Variants in SYK observed in about 807,000 individuals in gnomAD.
The protein encoded by SYK is tyrosine-protein kinase SYK.
A neutral mutation model predicts 77.8 loss-of-function variants in SYK; 16 were observed. That is an observed-to-expected ratio of 0.21 (90% CI 0.14 to 0.31). SYK has a LOEUF of 0.31. SYK is among the 10% of genes least tolerant of loss of function. The pLI, the probability that SYK is intolerant of heterozygous loss-of-function variation, is 1.00. For missense variants in SYK, 529 were observed against 814.4 expected, an observed-to-expected ratio of 0.65 and a Z score of 4.26; for synonymous variants, 312 against 308.7, an observed-to-expected ratio of 1.01 and a Z score of -0.11.
intron 7 of SYK, among the ~76,000 whole-genome samples, chr9:90,871,985 A>G (rs1191904993): frequency 6.6e-6 from 1 of 152,208 alleles, no homozygotes; most frequent in African/African-American, 2.4e-5. Context: ...GGTGAACAAC[A>G]CACTGCTAGT....
chr9:90,862,409 G>A, intron 4 of SYK, 65 bp downstream of exon 4: 1 of 1,551,808 alleles, frequency 6.4e-7, no homozygotes, highest in South Asian at 1.2e-5. Flanking sequence ...CTTGTCCCAT[G>A]GACTCTTAGA....
chr9:90,849,337 C>A (rs1163728897), intron 3 of SYK, among the ~76,000 whole-genome samples: 1 of 152,204 alleles, frequency 6.6e-6, no homozygotes, highest in Non-Finnish European at 1.5e-5. Context: ...TCCACCCCAC[C>A]CACCGTGCTT....
intron 3 of SYK, among the ~76,000 whole-genome samples, chr9:90,846,920 G>T (rs1379602538): frequency 6.6e-6 from 1 of 152,230 alleles, no homozygotes; most frequent in Non-Finnish European, 1.5e-5. Context: ...ATGGGACCAT[G>T]CACATAGCAT....
chr9:90,802,902 T>C (rs943971961), intron 1 of SYK, among the ~76,000 whole-genome samples: 3 of 150,248 alleles, frequency 2.0e-5, no homozygotes, highest in Non-Finnish European at 4.4e-5. Flanking sequence ...CCCTAAGAGT[T>C]CCTGGAAGAA....
At chr9:90,872,076 A>G (rs1156417669) in intron 7 of SYK, among the ~76,000 whole-genome samples, 1 of 152,196 alleles carries the variant, frequency 6.6e-6, no homozygotes, top group Non-Finnish European at 1.5e-5. Context: ...CTGACACCCT[A>G]GTATCCCTTT....
intron 1 of SYK, among the ~76,000 whole-genome samples, chr9:90,831,730 C>A (rs1192517593): frequency 6.6e-6 from 1 of 152,212 alleles, no homozygotes; most frequent in Non-Finnish European, 1.5e-5. Flanking sequence ...TTAAGTCACC[C>A]AACACATACG....
At chr9:90,855,516 G>A (rs1241565266) in intron 3 of SYK, among the ~76,000 whole-genome samples, 1 of 152,156 alleles carries the variant, frequency 6.6e-6, no homozygotes, top group African/African-American at 2.4e-5. Flanking sequence ...TAGAAAGCCA[G>A]AATCACTGTA....
At chr9:90,843,011 G>A (rs1254100125) in intron 1 of SYK, among the ~76,000 whole-genome samples, 2 of 152,158 alleles carry the variant, frequency 1.3e-5, no homozygotes, top group African/African-American at 2.4e-5. Flanking sequence ...CTTCTGAAAT[G>A]TATTTATTTA....
At position 90,895,668 on chromosome 9, in the gene SYK, AATTG is replaced by A. The variant is rs1354773466; in HGVS notation, c.*73_*76del. ...AATCACAGGAAAATGTATCCAGAGG[AATTG>A]ATTGTCAGCCACCTCCCTCTGCCAG... On this transcript the variant is annotated 3_prime_UTR_variant, in exon 14 of 14. Transcript: ENST00000375754. The surrounding 1 kb of genome is among the most constrained non-coding windows in gnomAD (Gnocchi z 4.4). 8 of 1,472,732 alleles carry A rather than the reference AATTG, an allele frequency of 5.4e-6. No individual in the cohort carries two copies. The East Asian group carries it at 9.1e-5, about 17-fold the overall frequency. 91.2% of individuals were successfully genotyped at this position (1,472,732 alleles called of 1,614,324 possible). A position where few individuals can be genotyped will look rare whatever the true frequency, so the allele number is the denominator to read the frequency against.
Position 90,865,073 on chromosome 9 carries a change from A to C in SYK, c.822A>C (p.Pro274=), listed in dbSNP as rs200859639. 6.2e-7 allele frequency: 1 copy of C among 1,614,208 alleles called. No homozygotes were observed. The highest frequency in any genetic ancestry group is 8.5e-7 in the Non-Finnish European group (1 of 1,180,034). ...GAAATGTTAATTTTGGAGGCCGTCCACAACTTCCAGGTTCCCATCCTGCGG... is the reference window on the plus strand; with the variant it reads ...GAAATGTTAATTTTGGAGGCCGTCCCCAACTTCCAGGTTCCCATCCTGCGG... ...TQGNVNFGGR[P]QLPGSHPATW... is the part of the protein sequence containing the mutation. Residue 274 remains proline (P), a synonymous_variant, in exon 6 of 14, where the codon CCA becomes CCC. Transcript: ENST00000375754.
chr9:90,807,040 A>G (rs560798521), intron 1 of SYK, among the ~76,000 whole-genome samples: 2 of 152,368 alleles, frequency 1.3e-5, no homozygotes, highest in South Asian at 2.1e-4. Flanking sequence ...AGCATGAGAA[A>G]TGCTGAATGA....
intron 4 of SYK, among the ~76,000 whole-genome samples, chr9:90,863,279 C>T (rs2118791814): frequency 6.6e-6 from 1 of 152,248 alleles, no homozygotes; most frequent in Admixed American, 6.5e-5. Context: ...ACCCCACCGC[C>T]CCAGAGCACC....
intron 3 of SYK, among the ~76,000 whole-genome samples, chr9:90,846,729 G>A (rs1198204861): frequency 2.0e-5 from 3 of 149,968 alleles, no homozygotes; most frequent in African/African-American, 4.9e-5. Context: ...GAAGAAGGAA[G>A]AGTGGCCCAG....
intron 1 of SYK, among the ~76,000 whole-genome samples, chr9:90,809,163 T>C (rs1320690777): frequency 2.6e-5 from 4 of 152,228 alleles, no homozygotes; most frequent in Admixed American, 2.6e-4. Context: ...TGGCGTTAGG[T>C]TCCCCAAATC....
Position 90,865,028 on chromosome 9 carries a change from TC to T in SYK, c.797-18del. ...GTTTCCTCAGATAGAGCAGTAATTG[TC>T]CATGCTCTCTCTAACCAGGAAATGT... On this transcript the variant is annotated intron_variant, in intron 5 of 13. Transcript: ENST00000375754. The T allele has an allele frequency of 6.2e-7, 1 of 1,613,830 alleles. No homozygotes were observed. The highest frequency in any genetic ancestry group is 8.5e-7 in the Non-Finnish European group (1 of 1,179,708).
intron 11 of SYK, among the ~76,000 whole-genome samples, chr9:90,884,672 CAT>C (rs1273207666): frequency 5.8e-5 from 3 of 51,702 alleles, no homozygotes; most frequent in Admixed American, 2.2e-4. Flanking sequence ...TGTACATGTA[CAT>C]ATATACACAT....
At chr9:90,882,695 G>A (rs748796487) in intron 11 of SYK, among the ~76,000 whole-genome samples, 8 of 152,184 alleles carry the variant, frequency 5.3e-5, no homozygotes, top group East Asian at 3.8e-4. Context: ...ATGCTCCTCC[G>A]TAGAGACGGA....
chr9:90,824,109 A>T (rs1825599773), intron 1 of SYK, among the ~76,000 whole-genome samples: 1 of 152,196 alleles, frequency 6.6e-6, no homozygotes, highest in Admixed American at 6.5e-5. Flanking sequence ...ATAAAGGAAG[A>T]TCATGAACAA....
intron 1 of SYK, among the ~76,000 whole-genome samples, chr9:90,803,014 GT>G (rs1404842394): frequency 6.6e-6 from 1 of 152,022 alleles, no homozygotes; most frequent in Non-Finnish European, 1.5e-5. Flanking sequence ...ATACATTGAT[GT>G]CCTCCTTCTC....
Sources: gnomAD v4.1 joint callset for allele counts (sites outside exome capture counted in the v4.1 genomes callset) on GRCh38, gnomAD v4.1.1 for gene constraint, Gnocchi (gnomAD v3.1) non-coding constraint, MANE v1.5 for transcripts, NCBI Gene and HGNC (gene_info 2026-07-23, HGNC 2026-07-21) for gene names.